The following SPTSSB variants were observed in gnomAD, a reference collection of about 807,000 sequenced individuals.
The protein encoded by SPTSSB is androgen down regulated in mouse prostate.
Under a neutral mutation model 7.7 loss-of-function variants are expected in SPTSSB, and 6 were observed. The ratio of observed to expected loss-of-function variants is 0.78; its 90% CI spans 0.43 to 1.54. The LOEUF (loss-of-function observed/expected upper bound fraction) is 1.54, where lower values mean the gene tolerates loss of function less well. Ranked by LOEUF, SPTSSB falls within the 40% of genes most tolerant of loss-of-function variation. The pLI is 0.01. For missense variants in SPTSSB, 91 were observed against 93.0 expected, an observed-to-expected ratio of 0.98 and a Z score of 0.09; for synonymous variants, 28 against 29.7, an observed-to-expected ratio of 0.94 and a Z score of 0.19.
intron 1 of SPTSSB, among the ~76,000 whole-genome samples, chr3:161,369,350 TTCTCTTTCTTTCTC>T (rs1560109101): frequency 5.7e-4 from 42 of 73,612 alleles, no homozygotes; most frequent in East Asian, 3.0e-3. Context: ...CTTTCTTTCT[TTCTCTTTCTTTCTC>T]TCTCTGTCTC....
chr3:161,361,524 A>G (rs1576900754), intron 1 of SPTSSB, among the ~76,000 whole-genome samples: 1 of 152,292 alleles, frequency 6.6e-6, no homozygotes, highest in East Asian at 1.9e-4. Flanking sequence ...GGAGTTTGCT[A>G]TTGCATGGTA....
intron 2 of SPTSSB, among the ~76,000 whole-genome samples, chr3:161,352,946 T>A (rs1426341586): frequency 6.6e-6 from 1 of 152,122 alleles, no homozygotes; most frequent in Non-Finnish European, 1.5e-5. Context: ...TTACTCTAGG[T>A]GAGTAATAAT....
intron 2 of SPTSSB, among the ~76,000 whole-genome samples, chr3:161,353,717 C>A (rs1389066680): frequency 6.6e-6 from 1 of 152,106 alleles, no homozygotes; most frequent in Non-Finnish European, 1.5e-5. Flanking sequence ...ATTAATGGGG[C>A]AAAACCTTAT....
chr3:161,366,828 A>G (rs1010748829), intron 1 of SPTSSB, among the ~76,000 whole-genome samples: 1 of 152,198 alleles, frequency 6.6e-6, no homozygotes, highest in African/African-American at 2.4e-5. Context: ...GATGAAAGCA[A>G]TATTTTAAAA....
chr3:161,370,069 A>G (rs1376122), intron 1 of SPTSSB, among the ~76,000 whole-genome samples: 64,204 of 152,026 alleles, frequency 0.42, 14,186 homozygotes, highest in East Asian at 0.64. Flanking sequence ...ATCATTTTTT[A>G]TGAATATTTT....
At chr3:161,367,612 G>C (rs1389998363) in intron 1 of SPTSSB, among the ~76,000 whole-genome samples, 1 of 152,208 alleles carries the variant, frequency 6.6e-6, no homozygotes, top group Admixed American at 6.5e-5. Flanking sequence ...AAGATGAATA[G>C]AGGAACATAT....
chr3:161,350,732 G>T (rs556175718), intron 2 of SPTSSB, among the ~76,000 whole-genome samples: 4 of 152,038 alleles, frequency 2.6e-5, no homozygotes, highest in Non-Finnish European at 4.4e-5. Flanking sequence ...GAAATACAGC[G>T]ATTTCCTTCC....
At chr3:161,360,363 T>TA (rs760715738) in intron 1 of SPTSSB, among the ~76,000 whole-genome samples, 13 of 152,342 alleles carry the variant, frequency 8.5e-5, no homozygotes, top group Admixed American at 2.0e-4. Context: ...AATTTGTCTT[T>TA]AAAATCACAT....
In SPTSSB at chr3:161,346,199, A is replaced by G. The variant is rs140200302; in HGVS notation, c.125T>C (p.Ile42Thr). The G allele has an allele frequency of 2.4e-5, 39 of 1,610,076 alleles. No individual in the cohort carries two copies. The highest frequency in any genetic ancestry group is 9.4e-5 in the African/African-American group (7 of 74,842). The change falls in exon 3 of 3, where the codon ATT becomes ACT. Residue 42 changes from isoleucine (I) to threonine (T), a missense_variant. Physicochemically the swap from Ile to Thr is moderately conservative, Grantham distance 89. Coordinates refer to ENST00000620149, the MANE Select transcript of SPTSSB (RefSeq NM_001040100.2). The part of the protein sequence containing the change: ...SMFNTILLTI[I>T]AMVVYTAYVF... Reference sequence around the variant, plus strand: ...ATAGGCAGTGTATACCACCATAGCAATAATGGTTAGTAAGATGGTGTTAAA... The same window carrying G: ...ATAGGCAGTGTATACCACCATAGCAGTAATGGTTAGTAAGATGGTGTTAAA...
At chr3:161,353,885 T>C (rs1714652951) in intron 2 of SPTSSB, among the ~76,000 whole-genome samples, 1 of 152,170 alleles carries the variant, frequency 6.6e-6, no homozygotes, top group African/African-American at 2.4e-5. Flanking sequence ...TTTCTTTTCA[T>C]CTTAGAATAC....
At chr3:161,351,159 ATAAC>A (rs1030637106) in intron 2 of SPTSSB, among the ~76,000 whole-genome samples, 3 of 152,204 alleles carry the variant, frequency 2.0e-5, no homozygotes, top group African/African-American at 7.2e-5. Flanking sequence ...ACATTAAGTA[ATAAC>A]TAAGGACATA....
chr3:161,356,030 T>C (rs1714758063), intron 2 of SPTSSB, among the ~76,000 whole-genome samples: 1 of 152,106 alleles, frequency 6.6e-6, no homozygotes, highest in South Asian at 2.1e-4. Flanking sequence ...CAAAGCTGAG[T>C]AAACAAATAA....
intron 2 of SPTSSB, among the ~76,000 whole-genome samples, chr3:161,355,935 T>C (rs1714750945): frequency 6.6e-6 from 1 of 152,226 alleles, no homozygotes; most frequent in African/African-American, 2.4e-5. Context: ...TGAATAATAT[T>C]TTTAAAAAGT....
chr3:161,361,780 A>G (rs2108165402), intron 1 of SPTSSB, among the ~76,000 whole-genome samples: 1 of 152,154 alleles, frequency 6.6e-6, no homozygotes, highest in East Asian at 1.9e-4. Context: ...ATTCTACTGA[A>G]TCCTTCAGGG....
At chr3:161,357,900 G>A (rs149973589) in intron 2 of SPTSSB, among the ~76,000 whole-genome samples, 1 of 152,102 alleles carries the variant, frequency 6.6e-6, no homozygotes, top group Non-Finnish European at 1.5e-5. Context: ...GCCTTTGGGA[G>A]TATCAGAGAA....
intron 1 of SPTSSB, among the ~76,000 whole-genome samples, chr3:161,370,991 T>G (rs1484002859): frequency 6.6e-6 from 1 of 152,226 alleles, no homozygotes; most frequent in Non-Finnish European, 1.5e-5. Context: ...TTCTTCACTT[T>G]TTGGCAGGTG....
intron 1 of SPTSSB, among the ~76,000 whole-genome samples, chr3:161,361,982 C>T (rs955097295): frequency 2.0e-5 from 3 of 152,064 alleles, no homozygotes; most frequent in Admixed American, 1.3e-4. Flanking sequence ...TTTTCCTGCC[C>T]ATCAAAACCA....
intron 2 of SPTSSB, among the ~76,000 whole-genome samples, chr3:161,351,407 C>T (rs1230162648): frequency 6.6e-6 from 1 of 152,180 alleles, no homozygotes; most frequent in Non-Finnish European, 1.5e-5. Flanking sequence ...AGAGTTATCC[C>T]TATTCTAAAC....
At chr3:161,369,290 C>CTT (rs1560108914) in intron 1 of SPTSSB, among the ~76,000 whole-genome samples, 1 of 76,662 alleles carries the variant, frequency 1.3e-5, no homozygotes, top group Non-Finnish European at 2.4e-5. Context: ...TCTTTCTTTT[C>CTT]TTTCTTTCTT....
Sources: gnomAD v4.1 joint callset for allele counts (sites outside exome capture counted in the v4.1 genomes callset) on GRCh38, gnomAD v4.1.1 for gene constraint, MANE v1.5 for transcripts, NCBI Gene and HGNC (gene_info 2026-07-23, HGNC 2026-07-21) for gene names.